Variants in COL10A1 observed in about 807,000 individuals in gnomAD.
COL10A1 encodes collagen type X alpha 1 chain.
Under a neutral mutation model 18.2 loss-of-function variants are expected in COL10A1, and 10 were observed. The observed-to-expected ratio is 0.55, with a 90% CI of 0.34 to 0.93. The LOEUF (loss-of-function observed/expected upper bound fraction) is 0.93. Ranked by LOEUF, COL10A1 falls within the 40% of genes least tolerant of loss-of-function variation. COL10A1 has a pLI of 0.02. For missense variants in COL10A1, 897 were observed against 853.5 expected, an observed-to-expected ratio of 1.05 and a Z score of -0.64; for synonymous variants, 330 against 316.6, an observed-to-expected ratio of 1.04 and a Z score of -0.45.
chr6:116,140,504 T>C (rs1779739996), intron 1 of COL10A1, among the ~76,000 whole-genome samples: 1 of 152,144 alleles, frequency 6.6e-6, no homozygotes, highest in African/African-American at 2.4e-5. Flanking sequence ...GGATATTAAT[T>C]CAATGAACAC....
At chr6:116,210,189 T>G in the COL10A1 span, among the ~76,000 whole-genome samples, 99 of 152,156 alleles carry the variant, frequency 6.5e-4, no homozygotes, top group Middle Eastern at 3.4e-3. Context: ...CCTTTATGGC[T>G]TTTGAGTTCA....
Position 116,125,275 on chromosome 6 carries a change from T to G in COL10A1, c.154+64A>C. The G allele has an allele frequency of 3.8e-6, 6 of 1,559,992 alleles. No individual in the cohort carries two copies. In the South Asian group the frequency reaches 5.8e-5, roughly 15 times the overall value. On this transcript the variant is annotated intron_variant, in intron 2 of 2. Transcript: ENST00000651968. ...AGTTAAATGCATTTTGTTAAAGAGA[T>G]TATTAAGATTATAGAAAGCAACAAG...
chr6:116,209,744 A>G, the COL10A1 span, among the ~76,000 whole-genome samples: 1 of 151,926 alleles, frequency 6.6e-6, no homozygotes, highest in Non-Finnish European at 1.5e-5. Flanking sequence ...AATAGCAGAG[A>G]CAATATCAGT....
the COL10A1 span, among the ~76,000 whole-genome samples, chr6:116,196,909 G>T: frequency 6.6e-6 from 1 of 151,552 alleles, no homozygotes; most frequent in Non-Finnish European, 1.5e-5. Context: ...CTACTCTGGT[G>T]TTGGAGATAT....
At chr6:116,160,467 G>A (rs2180735), upstream of COL10A1, among the ~76,000 whole-genome samples, 867 of 151,986 alleles carry the variant, frequency 5.7e-3, 29 homozygotes, top group South Asian at 0.088. Flanking sequence ...TGGAATTTTT[G>A]TGGTTTTTTT....
chr6:116,120,373 A>C lies in COL10A1; in HGVS notation c.1743T>G (p.His581Gln). 1.2e-6 allele frequency: 2 copies of C among 1,614,254 alleles called. No homozygotes were observed. Among genetic ancestry groups the C allele is most frequent in the Non-Finnish European group, 1.7e-6 (2 of 1,180,042 alleles). Residue 581 changes from histidine to glutamine, a missense_variant, in exon 3 of 3, where the codon CAT becomes CAG. His to Gln is a conservative substitution (Grantham distance 24). Transcript: ENST00000651968. ...TAAAGATTCCAGTCCTTGGGTCATA[A>C]TGCTGTTGCCTGTTATACAAAATTT... Reference protein sequence around the residue: ...FDKILYNRQQHYDPRTGIFTC... With the variant: ...FDKILYNRQQQYDPRTGIFTC...
chr6:116,130,491 C>T (rs554721539), upstream of COL10A1, among the ~76,000 whole-genome samples: 1 of 151,688 alleles, frequency 6.6e-6, no homozygotes, highest in South Asian at 2.1e-4. Flanking sequence ...TTGTACCTTT[C>T]GTGGCCCAGA....
chr6:116,179,282 G>T, the COL10A1 span, among the ~76,000 whole-genome samples: 1 of 152,026 alleles, frequency 6.6e-6, no homozygotes, highest in African/African-American at 2.4e-5. Flanking sequence ...TTAAAATGAA[G>T]AATTCTGAAA....
chr6:116,190,868 C>T, the COL10A1 span, among the ~76,000 whole-genome samples: 1 of 151,974 alleles, frequency 6.6e-6, no homozygotes, highest in African/African-American at 2.4e-5. Flanking sequence ...GGGATGGGTT[C>T]TGTGTGGTGC....
At chr6:116,135,607 G>A (rs1779570730) in intron 1 of COL10A1, among the ~76,000 whole-genome samples, 1 of 151,146 alleles carries the variant, frequency 6.6e-6, no homozygotes, top group South Asian at 2.1e-4. Flanking sequence ...TTTTGCACGA[G>A]CTATATTTAA....
In COL10A1 at chr6:116,121,093, C is replaced by G. The variant is rs548995634; in HGVS notation, c.1023G>C (p.Gly341=). ...CTTTTGGTCCTTGGGGTCCCATATT[C>G]CCAGGGGGTCCAGTCAGACCTGGCT... ...PGKPGLTGPP[G]NMGPQGPKGI... Residue 341 remains glycine, a synonymous_variant, in exon 3 of 3, where the codon GGG becomes GGC. Transcript: ENST00000651968. 3 of 1,613,818 alleles carry G rather than the reference C, an allele frequency of 1.9e-6. No individual in the cohort carries two copies. Among genetic ancestry groups the G allele is most frequent in the Non-Finnish European group, 2.5e-6 (3 of 1,179,924 alleles).
the COL10A1 span, among the ~76,000 whole-genome samples, chr6:116,172,317 CTTTT>C: frequency 9.3e-6 from 1 of 108,026 alleles, no homozygotes; most frequent in Non-Finnish European, 1.8e-5. Flanking sequence ...CCCTTAGTAA[CTTTT>C]TTTTTTTTTT....
intron 1 of COL10A1, among the ~76,000 whole-genome samples, chr6:116,156,266 C>T (rs1434495005): frequency 6.6e-6 from 1 of 152,100 alleles, no homozygotes; most frequent in Non-Finnish European, 1.5e-5. Context: ...ACCCATTTCT[C>T]TAATTTTCCG....
chr6:116,200,499 A>G, the COL10A1 span, among the ~76,000 whole-genome samples: 81 of 152,124 alleles, frequency 5.3e-4, 4 homozygotes, highest in East Asian at 0.015. Context: ...GTGTATGGGA[A>G]CTCTGGACTA....
the COL10A1 span, among the ~76,000 whole-genome samples, chr6:116,200,201 A>T: frequency 1.3e-5 from 2 of 152,058 alleles, no homozygotes; most frequent in East Asian, 3.9e-4. Flanking sequence ...ATTGAAGGAC[A>T]TTCTACAAAA....
At chr6:116,135,005 A>G (rs1293244077) in intron 1 of COL10A1, among the ~76,000 whole-genome samples, 1 of 152,312 alleles carries the variant, frequency 6.6e-6, no homozygotes, top group East Asian at 1.9e-4. Context: ...CTTTTTAGAC[A>G]TAGCTATGCT....
the COL10A1 span, among the ~76,000 whole-genome samples, chr6:116,216,772 C>G: frequency 1.3e-5 from 2 of 152,200 alleles, no homozygotes; most frequent in East Asian, 1.9e-4. Flanking sequence ...CTTTTATCCT[C>G]CAACAAATAT....
the COL10A1 span, among the ~76,000 whole-genome samples, chr6:116,215,863 C>T: frequency 3.9e-5 from 6 of 152,120 alleles, no homozygotes; most frequent in East Asian, 3.9e-4. Context: ...AAAATACTGC[C>T]GACCCAAAAT....
chr6:116,136,721 G>T (rs1212442879), intron 1 of COL10A1, among the ~76,000 whole-genome samples: 1 of 152,154 alleles, frequency 6.6e-6, no homozygotes. Flanking sequence ...GTTATCATGA[G>T]TTTGGAAAAC....
Sources: gnomAD v4.1 joint callset for allele counts (sites outside exome capture counted in the v4.1 genomes callset) on GRCh38, gnomAD v4.1.1 for gene constraint, MANE v1.5 for transcripts, NCBI Gene and HGNC (gene_info 2026-07-23, HGNC 2026-07-21) for gene names.